The following CERS3 variants were observed in gnomAD, a reference collection of about 807,000 sequenced individuals.
CERS3 encodes the protein ceramide synthase 3, also known as LAG1 homolog, ceramide synthase 3.
In CERS3, 33 loss-of-function variants were observed where a neutral mutation model predicts 50.3. The observed-to-expected ratio is 0.66, with a 90% CI of 0.50 to 0.88. The LOEUF (loss-of-function observed/expected upper bound fraction) is 0.88, where lower values mean the gene tolerates loss of function less well. Ranked by LOEUF, CERS3 falls within the 40% of genes least tolerant of loss-of-function variation. CERS3 has a pLI of 0.00. For missense variants in CERS3, 470 were observed against 460.3 expected (o/e 1.02, Z -0.19); for synonymous variants, 176 against 155.2 (o/e 1.13, Z -0.99).
intron 2 of CERS3, among the ~76,000 whole-genome samples, chr15:100,510,803 G>A (rs759823429): frequency 8.5e-5 from 13 of 152,212 alleles, no homozygotes; most frequent in Non-Finnish European, 1.9e-4. Context: ...GGCCATTCAT[G>A]TCTGTACTGT....
At chr15:100,501,888 A>G (rs772348523) in intron 2 of CERS3, 38 bp from the exon 3 acceptor site, 3 of 1,598,516 alleles carry the variant, frequency 1.9e-6, no homozygotes, top group Non-Finnish European at 2.6e-6. Context: ...TTGTAAAACA[A>G]ACACGTAACT....
chr15:100,430,963 T>C (rs1359783554), intron 11 of CERS3, among the ~76,000 whole-genome samples: 1 of 152,184 alleles, frequency 6.6e-6, no homozygotes, highest in Middle Eastern at 3.2e-3. Flanking sequence ...TCCCAAACTG[T>C]AACATGCTCG....
intron 10 of CERS3, among the ~76,000 whole-genome samples, chr15:100,467,767 C>CTATATA (rs557265765): frequency 4.8e-5 from 5 of 105,064 alleles, no homozygotes; most frequent in Admixed American, 9.4e-5. Flanking sequence ...CTCTCTCTCT[C>CTATATA]TCTATATATA....
intron 1 of CERS3, among the ~76,000 whole-genome samples, chr15:100,543,529 CTTTCT>C (rs1160384428): frequency 1.0e-4 from 12 of 116,006 alleles, no homozygotes; most frequent in Non-Finnish European, 3.8e-5. Context: ...TCCTTCCTTT[CTTTCT>C]TTTTTTTTTT....
At chr15:100,485,522 A>G (rs2035457952) in intron 4 of CERS3, among the ~76,000 whole-genome samples, 1 of 152,216 alleles carries the variant, frequency 6.6e-6, no homozygotes, top group Non-Finnish European at 1.5e-5. Context: ...CACGTCTACA[A>G]AGAAATATGC....
chr15:100,475,954 T>G, intron 8 of CERS3, 132 bp downstream of exon 8: 1 of 495,544 alleles, frequency 2.0e-6, no homozygotes, highest in South Asian at 3.0e-5. Context: ...TTTTATGTAC[T>G]ATAAAGCACA....
At chr15:100,480,731 T>C (rs199551462) in intron 5 of CERS3, among the ~76,000 whole-genome samples, 1 of 152,218 alleles carries the variant, frequency 6.6e-6, no homozygotes, top group African/African-American at 2.4e-5. Flanking sequence ...TAAAAAATCA[T>C]AAGATACTGA....
intron 3 of CERS3, among the ~76,000 whole-genome samples, chr15:100,496,225 G>A (rs76039581): frequency 0.012 from 1,895 of 152,192 alleles, 38 homozygotes; most frequent in African/African-American, 0.043. Flanking sequence ...ACAAATTCTT[G>A]TACTCAAATT....
At chr15:100,510,254 C>T (rs1021623010) in intron 2 of CERS3, among the ~76,000 whole-genome samples, 3 of 151,794 alleles carry the variant, frequency 2.0e-5, no homozygotes, top group African/African-American at 7.3e-5. Flanking sequence ...CTATGAATGC[C>T]TTAGGCTATA....
chr15:100,414,457 G>A (rs560188294), intron 11 of CERS3, among the ~76,000 whole-genome samples: 84 of 152,146 alleles, frequency 5.5e-4, no homozygotes, highest in African/African-American at 2.0e-3. Flanking sequence ...CCAAAAAAGA[G>A]CCTATATAGC....
chr15:100,512,237 A>G (rs1031200346), intron 2 of CERS3, among the ~76,000 whole-genome samples: 1 of 152,178 alleles, frequency 6.6e-6, no homozygotes, highest in African/African-American at 2.4e-5. Flanking sequence ...GGGAAAATGG[A>G]TCCAATCCCT....
intron 7 of CERS3, 53 bp downstream of exon 7, chr15:100,479,375 T>C (rs370183724): frequency 1.3e-5 from 18 of 1,341,458 alleles, no homozygotes; most frequent in African/African-American, 8.8e-5. Flanking sequence ...AGGAGATAAT[T>C]TGAGGGATCT....
At position 100,490,827 on chromosome 15, in the gene CERS3, T is replaced by C; in HGVS notation, c.278A>G (p.Gln93Arg). 1.2e-6 allele frequency: 2 copies of C among 1,600,412 alleles called. No homozygotes were observed. The highest frequency in any genetic ancestry group is 2.2e-5 in the South Asian group (2 of 90,656). The change falls in exon 4 of 12, where the codon CAA becomes CGA. Residue 93 changes from glutamine to arginine, a missense_variant. Transcript: ENST00000679737. The part of the protein sequence containing the change: ...LENFFKHSTR[Q>R]PLQTDIYGLA... ...AGAATTTGTACTTACTTGCAATGGT[T>C]GCCTTGTGGAATGTTTGAAAAAATT...
chr15:100,527,632 C>T (rs889569827), intron 1 of CERS3, among the ~76,000 whole-genome samples: 1 of 152,178 alleles, frequency 6.6e-6, no homozygotes, highest in Non-Finnish European at 1.5e-5. Context: ...TTCTCACATC[C>T]CTACTGTACC....
intron 11 of CERS3, among the ~76,000 whole-genome samples, chr15:100,428,286 G>A (rs538628898): frequency 1.3e-5 from 2 of 152,278 alleles, no homozygotes; most frequent in African/African-American, 2.4e-5. Flanking sequence ...GGAGAGCTTG[G>A]TTTCTCAAGG....
intron 11 of CERS3, among the ~76,000 whole-genome samples, chr15:100,425,374 G>A (rs989599904): frequency 2.6e-5 from 4 of 152,212 alleles, no homozygotes; most frequent in African/African-American, 9.6e-5. Flanking sequence ...AGAGCCACAG[G>A]GCCAGAGCTG....
intron 10 of CERS3, among the ~76,000 whole-genome samples, chr15:100,468,045 C>A (rs1218710168): frequency 6.6e-6 from 1 of 151,828 alleles, no homozygotes. Flanking sequence ...ATTTCACAAA[C>A]ACACTTGCTC....
chr15:100,530,056 T>C (rs1465453419), upstream of CERS3, among the ~76,000 whole-genome samples: 2 of 152,230 alleles, frequency 1.3e-5, no homozygotes. Flanking sequence ...GGTCTGCCTT[T>C]CTCTTCGAAG....
chr15:100,417,873 C>A (rs375271824), intron 11 of CERS3, among the ~76,000 whole-genome samples: 4 of 151,604 alleles, frequency 2.6e-5, no homozygotes, highest in Admixed American at 6.6e-5. Context: ...TGAGGGTCCT[C>A]TCTGTTAGAA....
Sources: allele counts gnomAD v4.1 joint callset (sites outside exome capture counted in the v4.1 genomes callset), GRCh38; gene constraint gnomAD v4.1.1; transcripts MANE v1.5; gene names NCBI Gene and HGNC (gene_info 2026-07-23, HGNC 2026-07-21).